WWC2: variants seen among roughly 807,000 people sequenced by gnomAD.
The protein encoded by WWC2 is WW and C2 domain containing 2, also known as protein WWC2.
Under a neutral mutation model 138.5 loss-of-function variants are expected in WWC2, and 101 were observed. The observed-to-expected ratio is 0.73, with a 90% CI of 0.62 to 0.86. WWC2 has a LOEUF of 0.86. Ranked by LOEUF, WWC2 falls within the 40% of genes least tolerant of loss-of-function variation. The pLI is 0.00. For missense variants in WWC2, 1,420 were observed against 1,419.4 expected, an observed-to-expected ratio of 1.00 and a Z score of -0.01; for synonymous variants, 558 against 538.4, an observed-to-expected ratio of 1.04 and a Z score of -0.50.
At chr4:183,183,412 G>A (rs1734698756) in intron 1 of WWC2, among the ~76,000 whole-genome samples, 1 of 151,812 alleles carries the variant, frequency 6.6e-6, no homozygotes, top group South Asian at 2.1e-4. Context: ...GGACTGTATC[G>A]AGTTACAAAG....
At chr4:183,286,954 G>A (rs1234287202) in intron 20 of WWC2, among the ~76,000 whole-genome samples, 1 of 152,166 alleles carries the variant, frequency 6.6e-6, no homozygotes, top group Non-Finnish European at 1.5e-5. Flanking sequence ...GGCAGGGTGG[G>A]GGTGTGATGG....
chr4:183,128,996 G>T (rs918705724), intron 1 of WWC2, among the ~76,000 whole-genome samples: 4 of 152,202 alleles, frequency 2.6e-5, no homozygotes, highest in African/African-American at 9.6e-5. Flanking sequence ...CATATAAAGG[G>T]AAAGGACTTA....
Position 183,265,698 on chromosome 4 carries a change from A to G in WWC2, c.2050A>G (p.Met684Val). ...TCCCTGTCCATATAGACCTAGTGAA[A>G]TGGAAGATGTCACATACAGTGAAGA... is the stretch of plus-strand genomic sequence containing the variant. The part of the protein sequence containing the change: ...YEAFVKQPSE[M>V]EDVTYSEEDV... The change falls in exon 13 of 23, where the codon ATG becomes GTG. Residue 684 changes from methionine (M) to valine (V), a missense_variant. Physicochemically the swap from Met to Val is conservative, Grantham distance 21. Coordinates refer to ENST00000403733, the MANE Select transcript of WWC2 (RefSeq NM_024949.6). 1 of 1,610,718 alleles carries G rather than the reference A, an allele frequency of 6.2e-7. No individual in the cohort carries two copies. The highest frequency in any genetic ancestry group is 1.7e-5 in the Admixed American group (1 of 59,620).
Position 183,208,091 on chromosome 4 carries a change from T to C in WWC2, c.380T>C (p.Leu127Pro). 6.2e-7 allele frequency: 1 copy of C among 1,613,832 alleles called. No homozygotes were observed. The highest frequency in any genetic ancestry group is 8.5e-7 in the Non-Finnish European group (1 of 1,179,782). ...CATGTGAAGGAGCAGAGGCTGGCGC[T>C]GGCCCTGGATGAATACGTGCGATTA... The part of the protein sequence containing the change: ...LYHVKEQRLA[L>P]ALDEYVRLND... Residue 127 changes from leucine to proline, a missense_variant, in exon 3 of 23, where the codon CTG becomes CCG. Coordinates refer to ENST00000403733, the MANE Select transcript of WWC2 (RefSeq NM_024949.6).
intron 16 of WWC2, among the ~76,000 whole-genome samples, chr4:183,272,556 C>T (rs1023702592): frequency 1.3e-5 from 2 of 152,108 alleles, no homozygotes; most frequent in Non-Finnish European, 2.9e-5. Flanking sequence ...ACATTGTCAT[C>T]GTCGCCAAAG....
At chr4:183,221,073 T>C (rs1389247340) in intron 4 of WWC2, among the ~76,000 whole-genome samples, 1 of 152,174 alleles carries the variant, frequency 6.6e-6, no homozygotes, top group Admixed American at 6.5e-5. Context: ...AGACCTACTT[T>C]AAATATAAAG....
chr4:183,313,289 C>T (rs1739326744), intron 22 of WWC2, among the ~76,000 whole-genome samples: 3 of 152,118 alleles, frequency 2.0e-5, no homozygotes, highest in South Asian at 4.1e-4. Flanking sequence ...CTCTGACGGG[C>T]GGCCAGCAGG....
chr4:183,114,284 A>T (rs1405476867), intron 1 of WWC2, among the ~76,000 whole-genome samples: 1 of 152,112 alleles, frequency 6.6e-6, no homozygotes, highest in Admixed American at 6.6e-5. Flanking sequence ...TCTTCCCAGG[A>T]GCTGAGCAGG....
At chr4:183,183,176 T>G (rs1734687550) in intron 1 of WWC2, among the ~76,000 whole-genome samples, 2 of 152,142 alleles carry the variant, frequency 1.3e-5, no homozygotes. Context: ...TTTTAAAAAT[T>G]TAAATATTTT....
At chr4:183,300,263 T>C (rs2111098671) in intron 21 of WWC2, among the ~76,000 whole-genome samples, 1 of 152,018 alleles carries the variant, frequency 6.6e-6, no homozygotes, top group East Asian at 1.9e-4. Flanking sequence ...CGTGATTCGT[T>C]GGGTGAGGGA....
At chr4:183,305,383 A>G (rs916034810) in intron 21 of WWC2, among the ~76,000 whole-genome samples, 4 of 152,166 alleles carry the variant, frequency 2.6e-5, no homozygotes, top group African/African-American at 9.7e-5. Context: ...AATGTCAAAC[A>G]TTAAACCACA....
At chr4:183,266,022 T>C (rs1737493811) in intron 14 of WWC2, 71 bp downstream of exon 14, 2 of 1,327,472 alleles carry the variant, frequency 1.5e-6, no homozygotes, top group South Asian at 2.6e-5. Context: ...TACACTGTAA[T>C]CATACAGTTC....
At chr4:183,303,214 A>C (rs1016959323) in intron 21 of WWC2, among the ~76,000 whole-genome samples, 1 of 152,184 alleles carries the variant, frequency 6.6e-6, no homozygotes, top group Non-Finnish European at 1.5e-5. Flanking sequence ...CATTTGATTT[A>C]ATTAATTCCT....
At chr4:183,203,263 A>C (rs1735352279) in intron 2 of WWC2, among the ~76,000 whole-genome samples, 1 of 151,268 alleles carries the variant, frequency 6.6e-6, no homozygotes, top group African/African-American at 2.4e-5. Context: ...TTAATTATTC[A>C]GGTATTAGGT....
rs1052261044 is a variant in WWC2, at chr4:183,318,717, T to A, written c.*2988T>A. ...TTGCTGATAAAAAAGGACGAAGTAT[T>A]TTCATTGAGCAAATAAAATGAAGGG... On this transcript the variant is annotated 3_prime_UTR_variant, in exon 23 of 23. Transcript: ENST00000403733. 1.3e-5 allele frequency: 2 copies of A among 152,186 alleles called. No homozygotes were observed. Among genetic ancestry groups the A allele is most frequent in the Non-Finnish European group, 2.9e-5 (2 of 68,042 alleles). 9.4% of individuals were successfully genotyped at this position (152,186 alleles called of 1,614,324 possible).
chr4:183,156,484 A>C (rs960631689), intron 1 of WWC2, among the ~76,000 whole-genome samples: 1 of 151,956 alleles, frequency 6.6e-6, no homozygotes, highest in Admixed American at 6.6e-5. Flanking sequence ...GGCATATGCC[A>C]CCATGCCTGG....
chr4:183,117,768 C>G (rs1202849119), intron 1 of WWC2, among the ~76,000 whole-genome samples: 1 of 151,822 alleles, frequency 6.6e-6, no homozygotes, highest in African/African-American at 2.4e-5. Flanking sequence ...CCATGCCCAG[C>G]CCGCAGACCT....
chr4:183,112,994 C>T (rs1196249089), intron 1 of WWC2, among the ~76,000 whole-genome samples: 1 of 151,966 alleles, frequency 6.6e-6, no homozygotes, highest in Non-Finnish European at 1.5e-5. Context: ...TTAGTTCCGC[C>T]GGGCACGGTG....
Position 183,269,101 on chromosome 4 carries a change from C to A in WWC2, c.2338C>A (p.Gln780Lys), listed in dbSNP as rs1401255051. 1 of 1,613,942 alleles carries A rather than the reference C, an allele frequency of 6.2e-7. No individual in the cohort carries two copies. The highest frequency in any genetic ancestry group is 1.6e-4 in the Middle Eastern group (1 of 6,062). The change falls in exon 15 of 23, where the codon CAA becomes AAA. Residue 780 changes from glutamine to lysine, a missense_variant. By Grantham distance (53) the Gln-to-Lys change is moderately conservative (BLOSUM62 1). Transcript: ENST00000403733. ...FRVAISQTAL[Q>K]QKTLRVDLCS... Reference sequence around the variant, plus strand: ...AGTCGCCATTTCCCAAACAGCCTTACAACAGAAGACACTGAGGGTAGACCT... The same window carrying A: ...AGTCGCCATTTCCCAAACAGCCTTAAAACAGAAGACACTGAGGGTAGACCT...
Sources: gnomAD v4.1 joint callset for allele counts (sites outside exome capture counted in the v4.1 genomes callset) on GRCh38, gnomAD v4.1.1 for gene constraint, MANE v1.5 for transcripts, NCBI Gene and HGNC (gene_info 2026-07-23, HGNC 2026-07-21) for gene names.